PPFIA2: variants seen among roughly 807,000 people sequenced by gnomAD.
PPFIA2 encodes the protein liprin-alpha-2.
Under a neutral mutation model 175.5 loss-of-function variants are expected in PPFIA2, and 46 were observed. The ratio of observed to expected loss-of-function variants is 0.26; its 90% CI spans 0.21 to 0.34. The LOEUF (loss-of-function observed/expected upper bound fraction) is 0.34, where lower values mean the gene tolerates loss of function less well. Among genes scored for constraint, PPFIA2 ranks in the 10% least tolerant of loss-of-function variants. The probability of loss-of-function intolerance (pLI) is 1.00; values close to 1 mark genes in which losing one functional copy is unlikely to be tolerated. For missense variants in PPFIA2, 1,179 were observed against 1,506.1 expected, an observed-to-expected ratio of 0.78 and a Z score of 3.60; for synonymous variants, 568 against 511.4, an observed-to-expected ratio of 1.11 and a Z score of -1.49.
intron 31 of PPFIA2, among the ~76,000 whole-genome samples, chr12:81,262,421 C>T (rs1477195756): frequency 2.0e-5 from 3 of 152,048 alleles, no homozygotes; most frequent in East Asian, 1.9e-4. Context: ...TCATGAATTT[C>T]GCTGACATGT....
chr12:81,259,267 T>C lies in PPFIA2; in HGVS notation c.*427A>G. On this transcript the variant is annotated 3_prime_UTR_variant, in exon 33 of 33. Transcript: ENST00000549396. ...ATTGTCAAATGTTTGCACTCGAGAC[T>C]CCATGAACCATATATTTTATTTTTT... 3.1e-6 allele frequency: 1 copy of C among 319,146 alleles called. No homozygotes were observed. Among genetic ancestry groups the C allele is most frequent in the South Asian group, 2.9e-5 (1 of 34,524 alleles). The allele number at this position is 319,146 out of a possible 1,614,324, so 19.8% of individuals were successfully genotyped here.
intron 17 of PPFIA2, among the ~76,000 whole-genome samples, chr12:81,352,815 A>T (rs989508299): frequency 6.6e-6 from 1 of 152,182 alleles, no homozygotes; most frequent in African/African-American, 2.4e-5. Context: ...AGTGCTTTAA[A>T]ATTCACTGGA....
chr12:81,613,930 C>T (rs776713216), intron 4 of PPFIA2, among the ~76,000 whole-genome samples: 2 of 152,030 alleles, frequency 1.3e-5, no homozygotes, highest in Non-Finnish European at 1.5e-5. Flanking sequence ...GTATGTGGTA[C>T]ATCTAACACT....
chr12:81,378,569 CAAT>C (rs2036927249), intron 9 of PPFIA2, among the ~76,000 whole-genome samples: 1 of 152,040 alleles, frequency 6.6e-6, no homozygotes, highest in African/African-American at 2.4e-5. Flanking sequence ...TTTTTTATCT[CAAT>C]GATGGTAGAG....
At chr12:81,643,356 T>A (rs2065622069) in intron 4 of PPFIA2, among the ~76,000 whole-genome samples, 1 of 151,898 alleles carries the variant, frequency 6.6e-6, no homozygotes, top group Admixed American at 6.6e-5. Flanking sequence ...TCCCTATAAT[T>A]TCTATTAATT....
intron 21 of PPFIA2, 128 bp from the exon 22 acceptor site, chr12:81,325,998 A>G: frequency 1.6e-6 from 1 of 620,142 alleles, no homozygotes; most frequent in Non-Finnish European, 2.9e-6. Flanking sequence ...TTATATTACT[A>G]ACCCAAGATG....
At chr12:81,368,639 T>C (rs1032009854) in intron 13 of PPFIA2, 86 bp downstream of exon 13, 19 of 1,304,892 alleles carry the variant, frequency 1.5e-5, no homozygotes, top group Middle Eastern at 1.9e-4. Flanking sequence ...ATGGATCATC[T>C]GACCATTACA....
chr12:81,415,211 A>T (rs867861650), intron 7 of PPFIA2, among the ~76,000 whole-genome samples: 114 of 8,808 alleles, frequency 0.013, 1 homozygote, highest in Middle Eastern at 0.12. Flanking sequence ...AAAAAAAAAA[A>T]TATATATATA....
At chr12:81,323,923 T>C (rs2054209845) in intron 22 of PPFIA2, among the ~76,000 whole-genome samples, 1 of 152,072 alleles carries the variant, frequency 6.6e-6, no homozygotes, top group African/African-American at 2.4e-5. Context: ...CTTTCATTAA[T>C]TAACTCTGAC....
chr12:81,346,241 A>C (rs2059050912), intron 18 of PPFIA2, among the ~76,000 whole-genome samples: 1 of 152,046 alleles, frequency 6.6e-6, no homozygotes, highest in Admixed American at 6.6e-5. Flanking sequence ...TGACTGAAAC[A>C]GAAAGACATG....
chr12:81,401,772 A>G (rs2042130812), intron 8 of PPFIA2, among the ~76,000 whole-genome samples: 1 of 152,140 alleles, frequency 6.6e-6, no homozygotes, highest in Non-Finnish European at 1.5e-5. Context: ...AAAATTCACC[A>G]ATTAACTTCC....
intron 4 of PPFIA2, among the ~76,000 whole-genome samples, chr12:81,516,136 C>T (rs965027820): frequency 2.0e-5 from 3 of 152,022 alleles, no homozygotes; most frequent in Admixed American, 6.6e-5. Flanking sequence ...GGATTTGTTT[C>T]AGATAGATTA....
chr12:81,369,287 T>C (rs751314744), intron 11 of PPFIA2, 93 bp from the exon 12 acceptor site: 5 of 1,541,428 alleles, frequency 3.2e-6, no homozygotes, highest in Non-Finnish European at 4.4e-6. Context: ...AGCAAGCTAC[T>C]ACCAACTGCA....
At chr12:81,521,030 G>A (rs1353829999) in intron 4 of PPFIA2, among the ~76,000 whole-genome samples, 3 of 152,096 alleles carry the variant, frequency 2.0e-5, no homozygotes, top group Non-Finnish European at 2.9e-5. Context: ...TTTATATGTT[G>A]CTCTATTTTG....
At chr12:81,617,365 T>C (rs2153475968) in intron 4 of PPFIA2, among the ~76,000 whole-genome samples, 1 of 152,324 alleles carries the variant, frequency 6.6e-6, no homozygotes, top group South Asian at 2.1e-4. Flanking sequence ...TCTTTTTATT[T>C]TCCCACCACT....
At chr12:81,608,151 A>C (rs755255730) in intron 4 of PPFIA2, among the ~76,000 whole-genome samples, 146 of 152,210 alleles carry the variant, frequency 9.6e-4, no homozygotes, top group South Asian at 1.0e-3. Context: ...AGCCCACTTG[A>C]TTGTGGTGAA....
intron 4 of PPFIA2, among the ~76,000 whole-genome samples, chr12:81,485,517 C>T (rs1271948357): frequency 6.6e-5 from 10 of 151,736 alleles, no homozygotes; most frequent in Admixed American, 2.6e-4. Context: ...CAACTCTCAC[C>T]TCAAATCTGT....
chr12:81,556,293 T>A (rs1248456373), intron 4 of PPFIA2, among the ~76,000 whole-genome samples: 2 of 151,946 alleles, frequency 1.3e-5, no homozygotes, highest in Non-Finnish European at 1.5e-5. Flanking sequence ...ATCAGATGAA[T>A]ACATAAAAGT....
intron 15 of PPFIA2, among the ~76,000 whole-genome samples, chr12:81,360,273 G>C (rs1360379132): frequency 1.3e-5 from 2 of 151,790 alleles, no homozygotes; most frequent in Non-Finnish European, 2.9e-5. Context: ...TATTTTGAAA[G>C]GCTTTTGGAA....
Sources: allele counts gnomAD v4.1 joint callset (sites outside exome capture counted in the v4.1 genomes callset), GRCh38; gene constraint gnomAD v4.1.1; transcripts MANE v1.5; gene names NCBI Gene and HGNC (gene_info 2026-07-23, HGNC 2026-07-21).